Variants in KANK1 observed in about 807,000 individuals in gnomAD.
The protein encoded by KANK1 is KN motif and ankyrin repeat domains 1.
In KANK1, 109 loss-of-function variants were observed where a neutral mutation model predicts 106.2. The observed-to-expected ratio is 1.03, with a 90% CI of 0.88 to 1.20. The LOEUF (loss-of-function observed/expected upper bound fraction) is 1.20. Ranked by LOEUF, KANK1 falls within the 50% of genes most tolerant of loss-of-function variation. The pLI, the probability that KANK1 is intolerant of heterozygous loss-of-function variation, is 0.00. For synonymous variants in KANK1, 873 were observed against 652.2 expected, an observed-to-expected ratio of 1.34 and a Z score of -5.16; for missense variants, 2,399 against 1,710.7, an observed-to-expected ratio of 1.40 and a Z score of -7.10.
intron 9 of KANK1, among the ~76,000 whole-genome samples, chr9:741,782 A>G (rs1485752882): frequency 6.6e-6 from 1 of 151,832 alleles, no homozygotes; most frequent in African/African-American, 2.4e-5. Context: ...CTACTGCGCC[A>G]GCCCCTGGCT....
At position 677,009 on chromosome 9, in the gene KANK1, G is replaced by A; in HGVS notation, c.37G>A (p.Gly13Arg). ...HTTKVNGSAS[G>R]KAGDILSGDQ... Reference sequence around the variant, plus strand: ...CACAAAGGTTAACGGCAGTGCCTCAGGTAACCCTGTGCTCTGGAGTTTGTG... The same window carrying A: ...CACAAAGGTTAACGGCAGTGCCTCAAGTAACCCTGTGCTCTGGAGTTTGTG... Residue 13 changes from glycine to arginine, a missense_variant and splice_region_variant, in exon 2 of 12, where the codon GGA (glycine) becomes AGA (arginine). Gly to Arg is a moderately radical substitution (Grantham distance 125). Coordinates refer to ENST00000382297, the MANE Select transcript of KANK1 (RefSeq NM_015158.5). 1.2e-6 allele frequency: 2 copies of A among 1,613,450 alleles called. No homozygotes were observed. Among genetic ancestry groups the A allele is most frequent in the Non-Finnish European group, 1.7e-6 (2 of 1,179,562 alleles).
At chr9:698,150 A>G (rs910807140) in intron 2 of KANK1, among the ~76,000 whole-genome samples, 3 of 152,198 alleles carry the variant, frequency 2.0e-5, no homozygotes, top group Admixed American at 6.5e-5. Flanking sequence ...ATAGGTACAC[A>G]AAGCTGGAAA....
intron 2 of KANK1, among the ~76,000 whole-genome samples, chr9:703,459 T>C (rs1823211174): frequency 6.6e-6 from 1 of 152,146 alleles, no homozygotes; most frequent in Non-Finnish European, 1.5e-5. Context: ...TCAATAAATG[T>C]TTATATAATG....
At chr9:692,918 C>T (rs1313191762) in intron 2 of KANK1, among the ~76,000 whole-genome samples, 2 of 152,068 alleles carry the variant, frequency 1.3e-5, no homozygotes, top group Admixed American at 6.6e-5. Context: ...GGGAGGATCA[C>T]ATGAGCCCAG....
At chr9:693,919 C>T (rs1820589840) in intron 2 of KANK1, 1 of 701,956 alleles carries the variant, frequency 1.4e-6, no homozygotes, top group Non-Finnish European at 1.7e-6. Context: ...AAGAATAACC[C>T]AGTACTTGAT....
At chr9:604,618 G>A (rs989878223) in intron 1 of KANK1, among the ~76,000 whole-genome samples, 9 of 151,804 alleles carry the variant, frequency 5.9e-5, no homozygotes, top group Admixed American at 5.2e-4. Flanking sequence ...GATCACTTGA[G>A]GTCAGGAGTT....
At chr9:487,085 A>G (rs2058306234) in intron 3 of KANK1, among the ~76,000 whole-genome samples, 1 of 152,238 alleles carries the variant, frequency 6.6e-6, no homozygotes, top group African/African-American at 2.4e-5. Flanking sequence ...GCTGAATTTT[A>G]GGAAATTCAG....
At chr9:669,428 T>G (rs1259067134) in intron 1 of KANK1, among the ~76,000 whole-genome samples, 1 of 152,212 alleles carries the variant, frequency 6.6e-6, no homozygotes, top group East Asian at 1.9e-4. Context: ...AGCTTTTGTT[T>G]GTCAGAAAAA....
chr9:568,594 A>G (rs1328128681), intron 1 of KANK1, among the ~76,000 whole-genome samples: 1 of 152,094 alleles, frequency 6.6e-6, no homozygotes, highest in East Asian at 1.9e-4. Flanking sequence ...GGCTCAAGCT[A>G]TCATCCCGCC....
chr9:732,656 A>G, intron 6 of KANK1, 39 bp downstream of exon 6: 1 of 1,599,678 alleles, frequency 6.3e-7, no homozygotes. Context: ...CCCCTCCCAC[A>G]TTTAATGTAC....
intron 3 of KANK1, among the ~76,000 whole-genome samples, chr9:716,001 C>T (rs973496637): frequency 6.6e-6 from 1 of 152,206 alleles, no homozygotes; most frequent in Non-Finnish European, 1.5e-5. Context: ...GCACTCACCA[C>T]AGTCTAGAAT....
At chr9:473,397 C>A (rs1157593951) in intron 3 of KANK1, 1 of 152,158 alleles carries the variant, frequency 6.6e-6, no homozygotes, top group Non-Finnish European at 1.5e-5. Context: ...TCCTAAATTT[C>A]CTCATAAATT....
At position 712,422 on chromosome 9, in the gene KANK1, G is replaced by T. The variant is rs1363839877; in HGVS notation, c.1656G>T (p.Gln552His). 6.2e-7 allele frequency: 1 copy of T among 1,614,204 alleles called. No individual in the cohort carries two copies. The highest frequency in any genetic ancestry group is 1.7e-5 in the Admixed American group (1 of 60,020). Reference sequence around the variant, plus strand: ...CAAACAGTGTAGGCATCTCCTGCCAGCCTGAATGTAAGAATAAAGTCGTAG... The same window carrying T: ...CAAACAGTGTAGGCATCTCCTGCCATCCTGAATGTAAGAATAAAGTCGTAG... ...VETNSVGISC[Q>H]PECKNKVVGP... The change falls in exon 3 of 12, where the codon CAG becomes CAT. Residue 552 changes from glutamine to histidine, a missense_variant. Coordinates refer to ENST00000382297, the MANE Select transcript of KANK1 (RefSeq NM_015158.5).
rs547158117 is a variant in KANK1 at position 577,883 on chromosome 9, T to G, written c.-84+73129T>G. Among the ~76,000 whole-genome samples the G allele has an allele frequency of 7.2e-4, 110 of 152,340 alleles. 3 individuals are homozygous for G. In the South Asian group the frequency reaches 0.022, roughly 30 times the overall value. ...TCTGGGAAAGTAAAGCTGTTTCACC[T>G]GTAAACTTTGGGAATAGGAGCACCC... On this transcript the variant is annotated intron_variant, in intron 1 of 11. Transcript: ENST00000382297.
At chr9:739,032 T>G (rs987997853) in intron 8 of KANK1, among the ~76,000 whole-genome samples, 1 of 152,186 alleles carries the variant, frequency 6.6e-6, no homozygotes, top group Non-Finnish European at 1.5e-5. Flanking sequence ...ATACTGTTAT[T>G]GGGGAAACAG....
chr9:506,527 GGTGT>G (rs36217612), intron 1 of KANK1, among the ~76,000 whole-genome samples: 324 of 149,632 alleles, frequency 2.2e-3, no homozygotes, highest in African/African-American at 5.2e-3. Context: ...GTGAGTTCTG[GGTGT>G]GTGTGTGTGT....
intron 1 of KANK1, among the ~76,000 whole-genome samples, chr9:509,582 A>G (rs1191443788): frequency 6.6e-6 from 1 of 152,200 alleles, no homozygotes; most frequent in Non-Finnish European, 1.5e-5. Context: ...GCCTAAGGAT[A>G]TGCTTTCATT....
At chr9:723,975 C>G (rs1018048794) in intron 3 of KANK1, among the ~76,000 whole-genome samples, 3 of 148,428 alleles carry the variant, frequency 2.0e-5, no homozygotes, top group Non-Finnish European at 4.4e-5. Context: ...TGGTTTTGTA[C>G]GTCTGTGGTC....
intron 2 of KANK1, among the ~76,000 whole-genome samples, chr9:691,155 C>G (rs539790019): frequency 3.9e-5 from 6 of 152,230 alleles, no homozygotes; most frequent in Admixed American, 1.3e-4. Context: ...CATACAATGA[C>G]TTTTTCTGGT....
Sources: allele counts gnomAD v4.1 joint callset (sites outside exome capture counted in the v4.1 genomes callset), GRCh38; gene constraint gnomAD v4.1.1; transcripts MANE v1.5; gene names NCBI Gene and HGNC (gene_info 2026-07-23, HGNC 2026-07-21).